Variants in IL1F10 observed in about 807,000 individuals in gnomAD.
The protein encoded by IL1F10 is interleukin 1 family member 10.
Under a neutral mutation model 13.1 loss-of-function variants are expected in IL1F10, and 13 were observed. The observed-to-expected ratio is 0.99, with a 90% CI of 0.64 to 1.57. IL1F10 has a LOEUF of 1.57. Ranked by LOEUF, IL1F10 falls within the 40% of genes most tolerant of loss-of-function variation. IL1F10 has a pLI of 0.00. For synonymous variants in IL1F10, 78 were observed against 68.2 expected (o/e 1.14, Z -0.71); for missense variants, 191 against 184.1 (o/e 1.04, Z -0.22).
In IL1F10 at chr2:113,072,757, G is replaced by T; in HGVS notation, c.19G>T (p.Ala7Ser). 1 of 1,613,292 alleles carries T rather than the reference G, an allele frequency of 6.2e-7. No homozygotes were observed. The highest frequency in any genetic ancestry group is 2.2e-5 in the East Asian group (1 of 44,874). MCSLPMARYYIIKYADQ... is the reference protein window; with the variant it reads MCSLPMSRYYIIKYADQ... ...TGCAGGAATGTGTTCCCTCCCCATG[G>T]CAAGATACTACATGTAAGTTGTCCT... is the stretch of plus-strand genomic sequence containing the variant. Residue 7 changes from alanine to serine, a missense_variant, in exon 2 of 5, where the codon GCA becomes TCA. Transcript: ENST00000341010.
chr2:113,069,288 G>A (rs1685793468), intron 1 of IL1F10, among the ~76,000 whole-genome samples: 1 of 104,928 alleles, frequency 9.5e-6, no homozygotes, highest in African/African-American at 4.7e-5. Context: ...TTCTAGAGCT[G>A]GGCAGGGATG....
At chr2:113,072,658 C>A in intron 1 of IL1F10, 53 bp from the exon 2 acceptor site, 2 of 1,293,496 alleles carry the variant, frequency 1.5e-6, no homozygotes, top group South Asian at 1.2e-5. Flanking sequence ...GCACGTCTGC[C>A]TCTGGCTTCA....
intron 1 of IL1F10, among the ~76,000 whole-genome samples, chr2:113,069,283 G>T (rs533764086): frequency 2.3e-5 from 3 of 131,654 alleles, no homozygotes; most frequent in Non-Finnish European, 4.7e-5. Context: ...GTAGATTCTA[G>T]AGCTGGGCAG....
At chr2:113,072,538 G>T in intron 1 of IL1F10, 173 bp from the exon 2 acceptor site, 1 of 553,684 alleles carries the variant, frequency 1.8e-6, no homozygotes, top group Non-Finnish European at 3.2e-6. Flanking sequence ...AGGCAGAGCT[G>T]CCTGGAGCCT....
intron 1 of IL1F10, among the ~76,000 whole-genome samples, chr2:113,070,916 C>G (rs28928283): frequency 6.6e-6 from 1 of 152,200 alleles, no homozygotes; most frequent in Non-Finnish European, 1.5e-5. Flanking sequence ...TGAATTAGAA[C>G]CTTCGGCCCA....
intron 2 of IL1F10, among the ~76,000 whole-genome samples, chr2:113,073,010 T>C (rs1685867455): frequency 6.6e-6 from 1 of 152,178 alleles, no homozygotes; most frequent in African/African-American, 2.4e-5. Flanking sequence ...ATTAAACCCA[T>C]TTTACAGATC....
intron 1 of IL1F10, 32 bp from the exon 2 acceptor site, chr2:113,072,678 CT>C: frequency 6.6e-7 from 1 of 1,514,556 alleles, no homozygotes; most frequent in Non-Finnish European, 9.1e-7. Flanking sequence ...ACCCAGCCTC[CT>C]TTTCTAACTG....
intron 2 of IL1F10, among the ~76,000 whole-genome samples, chr2:113,073,900 C>CAATT (rs3841013): frequency 0.75 from 113,092 of 151,654 alleles, 42,843 homozygotes; most frequent in African/African-American, 0.88. Context: ...AGTATACACT[C>CAATT]AATCTCTGTA....
chr2:113,069,667 T>C (rs947504952), intron 1 of IL1F10, among the ~76,000 whole-genome samples: 1 of 152,156 alleles, frequency 6.6e-6, no homozygotes, highest in African/African-American at 2.4e-5. Context: ...GGAGGTAAAG[T>C]GGGATGTGCA....
At chr2:113,070,912 A>G (rs1685824292) in intron 1 of IL1F10, among the ~76,000 whole-genome samples, 1 of 152,254 alleles carries the variant, frequency 6.6e-6, no homozygotes, top group Non-Finnish European at 1.5e-5. Flanking sequence ...CTACTGAATT[A>G]GAACCTTCGG....
Position 113,075,143 on chromosome 2 carries a change from C to G in IL1F10, c.247-9C>G. 1.3e-6 allele frequency: 2 copies of G among 1,591,674 alleles called. No individual in the cohort carries two copies. The highest frequency in any genetic ancestry group is 1.7e-6 in the Non-Finnish European group (2 of 1,166,250). On this transcript the variant is annotated splice_polypyrimidine_tract_variant and intron_variant, in intron 4 of 4. Transcript: ENST00000341010. The stretch of plus-strand genomic sequence containing the variant: ...TCTCATTCTGCAGCCATCCACCTTG[C>G]CCCCACAGGATGTGAACATTGAGGA...
chr2:113,068,282 A>G (rs931134393), intron 1 of IL1F10, among the ~76,000 whole-genome samples: 1 of 152,056 alleles, frequency 6.6e-6, no homozygotes, highest in African/African-American at 2.4e-5. Flanking sequence ...AAAAGAAACC[A>G]TCTGGGCCAA....
At chr2:113,070,666 T>G (rs1685820437) in intron 1 of IL1F10, among the ~76,000 whole-genome samples, 1 of 152,220 alleles carries the variant, frequency 6.6e-6, no homozygotes. Flanking sequence ...ACTGGGGGAT[T>G]GTCTAGTCCT....
At chr2:113,071,558 T>C (rs1183518526) in intron 1 of IL1F10, among the ~76,000 whole-genome samples, 3 of 152,192 alleles carry the variant, frequency 2.0e-5, no homozygotes, top group African/African-American at 7.2e-5. Context: ...CTCAAAGTCA[T>C]ACCCCAAGGC....
rs147638669 is a variant in IL1F10 at position 113,074,771 on chromosome 2, C to G, written c.167C>G (p.Pro56Arg). Residue 56 changes from proline (P) to arginine (R), a missense_variant, in exon 4 of 5, where the codon CCC (proline) becomes CGC (arginine). Transcript: ENST00000341010. ...AGAGGCTTGGCCCGCACCAAGGTCCCCATTTTCCTGGGGATCCAGGGAGGG... is the reference window on the plus strand; with the variant it reads ...AGAGGCTTGGCCCGCACCAAGGTCCGCATTTTCCTGGGGATCCAGGGAGGG... ...PNRGLARTKV[P>R]IFLGIQGGSR... The G allele has an allele frequency of 3.7e-6, 6 of 1,613,912 alleles. No individual in the cohort carries two copies. The Admixed American group carries it at 8.3e-5, about 22-fold the overall frequency.
chr2:113,075,225 G>A lies in IL1F10; in HGVS notation c.320G>A (p.Gly107Asp). 1 of 1,613,980 alleles carries A rather than the reference G, an allele frequency of 6.2e-7. No individual in the cohort carries two copies. Among genetic ancestry groups the A allele is most frequent in the Non-Finnish European group, 8.5e-7 (1 of 1,179,950 alleles). Reference protein sequence around the residue: ...TRFTFFQSSSGSAFRLEAAAW... With the variant: ...TRFTFFQSSSDSAFRLEAAAW... Reference sequence around the variant, plus strand: ...TTCACCTTCTTCCAGAGCAGCTCAGGCTCCGCCTTCAGGCTTGAGGCTGCT... The same window carrying A: ...TTCACCTTCTTCCAGAGCAGCTCAGACTCCGCCTTCAGGCTTGAGGCTGCT... The change falls in exon 5 of 5, where the codon GGC becomes GAC. Residue 107 changes from glycine to aspartate, a missense_variant. Physicochemically the swap from Gly to Asp is moderately conservative, Grantham distance 94. Transcript: ENST00000341010.
At position 113,075,478 on chromosome 2, in the gene IL1F10, A is replaced by T. The variant is rs558782359; in HGVS notation, c.*114A>T. 5.5e-6 allele frequency: 4 copies of T among 732,042 alleles called. No homozygotes were observed. The East Asian group carries it at 8.2e-5, about 15-fold the overall frequency. The allele number at this position is 732,042 out of a possible 1,614,324, so 45.3% of individuals were successfully genotyped here. On this transcript the variant is annotated 3_prime_UTR_variant, in exon 5 of 5. Transcript: ENST00000341010. ...AATATGTCCACATCCTAATCCCAAG[A>T]TCTGTGCATATGTTACCATACATGT...
In IL1F10 at chr2:113,075,170, C is replaced by T. The variant is rs1287925471; in HGVS notation, c.265C>T (p.Leu89=). ...CCCACAGGATGTGAACATTGAGGAA[C>T]TGTACAAAGGTGGTGAAGAGGCCAC... is the stretch of plus-strand genomic sequence containing the variant. ...LQLEDVNIEE[L]YKGGEEATRF... Residue 89 remains leucine (L), a synonymous_variant, in exon 5 of 5, where the codon CTG becomes TTG. Coordinates refer to ENST00000341010, the MANE Select transcript of IL1F10 (RefSeq NM_173161.3). 6.2e-7 allele frequency: 1 copy of T among 1,607,896 alleles called. No homozygotes were observed. Among genetic ancestry groups the T allele is most frequent in the Non-Finnish European group, 8.5e-7 (1 of 1,176,352 alleles).
intron 2 of IL1F10, among the ~76,000 whole-genome samples, chr2:113,074,086 C>T (rs1685891756): frequency 6.6e-6 from 1 of 152,150 alleles, no homozygotes; most frequent in African/African-American, 2.4e-5. Context: ...GAAGGCCTCC[C>T]CAAGCCATGA....
Sources: gnomAD v4.1 joint callset for allele counts (sites outside exome capture counted in the v4.1 genomes callset) on GRCh38, gnomAD v4.1.1 for gene constraint, MANE v1.5 for transcripts, NCBI Gene and HGNC (gene_info 2026-07-23, HGNC 2026-07-21) for gene names.